RASA1: variants seen among roughly 807,000 people sequenced by gnomAD.
The protein encoded by RASA1 is RAS p21 protein activator 1.
RASA1 carries 25 observed loss-of-function variants against 132.2 expected under a neutral mutation model. The observed-to-expected ratio is 0.19, with a 90% confidence interval of 0.14 to 0.26. The LOEUF (loss-of-function observed/expected upper bound fraction) is 0.26. Ranked by LOEUF, RASA1 falls within the 10% of genes least tolerant of loss-of-function variation. RASA1 has a pLI of 1.00. For missense variants in RASA1, 964 were observed against 1,299.2 expected (o/e 0.74, Z 3.97); for synonymous variants, 477 against 449.9 (o/e 1.06, Z -0.76).
chr5:87,343,914 A>G (rs1180218499), intron 6 of RASA1, among the ~76,000 whole-genome samples: 1 of 152,226 alleles, frequency 6.6e-6, no homozygotes, highest in Non-Finnish European at 1.5e-5. Flanking sequence ...TGTCATTCAC[A>G]GCAACATGAA....
intron 1 of RASA1, among the ~76,000 whole-genome samples, chr5:87,307,942 A>G (rs1755696855): frequency 1.3e-5 from 2 of 152,222 alleles, no homozygotes; most frequent in South Asian, 2.1e-4. Context: ...TGTTAGGCAG[A>G]TAGAATGCAG....
rs773960170 is a variant in RASA1 at position 87,268,692 on chromosome 5, C to G, written c.241C>G (p.Leu81Val). Residue 81 changes from leucine (L) to valine (V), a missense_variant, in exon 1 of 25, where the codon CTG becomes GTG. Leu to Val is a conservative substitution (Grantham distance 32). Transcript: ENST00000274376. Reference protein sequence around the residue: ...FLGAGSVAGALGGAGLTGGGT... With the variant: ...FLGAGSVAGAVGGAGLTGGGT... The stretch of plus-strand genomic sequence containing the variant: ...AGGAGCCGGGTCTGTGGCAGGGGCA[C>G]TGGGGGGAGCTGGACTGACAGGGGG... 1 of 1,611,566 alleles carries G rather than the reference C, an allele frequency of 6.2e-7. No individual in the cohort carries two copies. Among genetic ancestry groups the G allele is most frequent in the Non-Finnish European group, 8.5e-7 (1 of 1,178,994 alleles).
intron 1 of RASA1, among the ~76,000 whole-genome samples, chr5:87,285,257 T>C (rs1754498675): frequency 6.6e-6 from 1 of 151,502 alleles, no homozygotes; most frequent in Non-Finnish European, 1.5e-5. Flanking sequence ...TTAGTAGAGA[T>C]GGGGTTTCAC....
At chr5:87,310,457 T>A (rs913461716) in intron 1 of RASA1, among the ~76,000 whole-genome samples, 1 of 152,160 alleles carries the variant, frequency 6.6e-6, no homozygotes, top group Non-Finnish European at 1.5e-5. Flanking sequence ...TTTTTTGCAA[T>A]CGAGTTATCT....
intron 1 of RASA1, among the ~76,000 whole-genome samples, chr5:87,287,084 C>A (rs1754622312): frequency 7.0e-6 from 1 of 142,520 alleles, no homozygotes; most frequent in African/African-American, 2.6e-5. Flanking sequence ...TATATACACA[C>A]CATATATATA....
At chr5:87,306,840 G>C (rs1443163421) in intron 1 of RASA1, among the ~76,000 whole-genome samples, 1 of 151,938 alleles carries the variant, frequency 6.6e-6, no homozygotes, top group Non-Finnish European at 1.5e-5. Flanking sequence ...TACTGTACAT[G>C]TATGTCTGCG....
intron 9 of RASA1, among the ~76,000 whole-genome samples, chr5:87,361,953 A>C (rs1167194042): frequency 6.6e-6 from 1 of 152,206 alleles, no homozygotes; most frequent in East Asian, 1.9e-4. Context: ...AAGCATGGGA[A>C]TGTTGCAGAG....
At chr5:87,361,963 G>T (rs1760132924) in intron 9 of RASA1, among the ~76,000 whole-genome samples, 1 of 152,170 alleles carries the variant, frequency 6.6e-6, no homozygotes, top group East Asian at 1.9e-4. Context: ...ATGTTGCAGA[G>T]TGGCAGAGGA....
At chr5:87,319,736 G>C (rs900256669) in intron 1 of RASA1, among the ~76,000 whole-genome samples, 7 of 152,194 alleles carry the variant, frequency 4.6e-5, no homozygotes, top group African/African-American at 1.4e-4. Context: ...TGCCCTGGGA[G>C]ACATTTTCCC....
chr5:87,305,310 G>A (rs968763981), intron 1 of RASA1, among the ~76,000 whole-genome samples: 3 of 152,034 alleles, frequency 2.0e-5, no homozygotes, highest in African/African-American at 4.8e-5. Flanking sequence ...GACATACACC[G>A]ATGGAACGGA....
chr5:87,323,443 C>T (rs2112342889), intron 1 of RASA1, among the ~76,000 whole-genome samples: 1 of 152,218 alleles, frequency 6.6e-6, no homozygotes, highest in South Asian at 2.1e-4. Flanking sequence ...TTCCCCTGCC[C>T]TGTGCTCATA....
Position 87,288,830 on chromosome 5 carries a change from T to C in RASA1, c.539+19840T>C, listed in dbSNP as rs536255415. On this transcript the variant is annotated intron_variant, in intron 1 of 24. Coordinates refer to ENST00000274376, the MANE Select transcript of RASA1 (RefSeq NM_002890.3). ...ATTTTGTCACATTTTAGTTTGTCCC[T>C]TTCTCTTTATACACACATGTATATA... 2.3e-4 allele frequency among the ~76,000 whole-genome samples: 35 copies of C among 152,312 alleles called. No individual in the cohort carries two copies. The South Asian group carries it at 2.9e-3, about 13-fold the overall frequency.
chr5:87,347,997 A>G (rs961619646), intron 7 of RASA1, among the ~76,000 whole-genome samples: 2 of 151,916 alleles, frequency 1.3e-5, no homozygotes, highest in Non-Finnish European at 2.9e-5. Flanking sequence ...ATCTGGTGGG[A>G]TTTTCTCTCC....
Position 87,331,187 on chromosome 5 carries a change from G to A in RASA1, c.540-161G>A, listed in dbSNP as rs183084279. On this transcript the variant is annotated intron_variant, in intron 1 of 24. Coordinates refer to ENST00000274376, the MANE Select transcript of RASA1 (RefSeq NM_002890.3). The stretch of plus-strand genomic sequence containing the variant: ...GTAAATGAGTATTTTTTGAGACTGA[G>A]GTTAAATTGAGTTAAAATTGGAATA... The A allele has an allele frequency of 9.3e-6, 9 of 970,740 alleles. No homozygotes were observed. The East Asian group carries it at 1.4e-4, about 16-fold the overall frequency. The allele number at this position is 970,740 out of a possible 1,614,324, so 60.1% of individuals were successfully genotyped here. A position where few individuals can be genotyped will look rare whatever the true frequency, so the allele number is the denominator to read the frequency against.
chr5:87,283,576 T>C (rs1444564656), intron 1 of RASA1, among the ~76,000 whole-genome samples: 3 of 152,122 alleles, frequency 2.0e-5, no homozygotes, highest in African/African-American at 7.2e-5. Flanking sequence ...TGTTAAGTTT[T>C]TGTATATTAT....
intron 20 of RASA1, among the ~76,000 whole-genome samples, chr5:87,381,313 T>TA (rs1011962780): frequency 6.6e-6 from 1 of 152,210 alleles, no homozygotes; most frequent in African/African-American, 2.4e-5. Context: ...CCCAATCTGA[T>TA]ATCCTTGAGT....
At chr5:87,318,373 A>C (rs75379367) in intron 1 of RASA1, 4 of 152,220 alleles carry the variant, frequency 2.6e-5, no homozygotes, top group African/African-American at 9.7e-5. Flanking sequence ...AGGGTGTATT[A>C]GTTTGTCTTC....
At chr5:87,304,939 C>CTTTTTTTTTT (rs756572506) in intron 1 of RASA1, among the ~76,000 whole-genome samples, 4 of 64,410 alleles carry the variant, frequency 6.2e-5, no homozygotes, top group African/African-American at 1.2e-4. Context: ...TCTTTTAGTC[C>CTTTTTTTTTT]TTTTTTTTTT....
intron 1 of RASA1, among the ~76,000 whole-genome samples, chr5:87,305,053 C>G (rs1755547206): frequency 7.0e-6 from 1 of 143,014 alleles, no homozygotes; most frequent in Non-Finnish European, 1.5e-5. Context: ...GCATTAGATT[C>G]TAGATTCACA....
Sources: allele counts gnomAD v4.1 joint callset (sites outside exome capture counted in the v4.1 genomes callset), GRCh38; gene constraint gnomAD v4.1.1; transcripts MANE v1.5; gene names NCBI Gene and HGNC (gene_info 2026-07-23, HGNC 2026-07-21).